SLX4IP: variants seen among roughly 807,000 people sequenced by gnomAD.
SLX4IP encodes the protein protein SLX4IP.
SLX4IP carries 34 observed loss-of-function variants against 32.9 expected under a neutral mutation model. The ratio of observed to expected loss-of-function variants is 1.03; its 90% CI spans 0.79 to 1.38. The LOEUF (loss-of-function observed/expected upper bound fraction) is 1.38, where lower values mean the gene tolerates loss of function less well. Among genes scored for constraint, SLX4IP ranks in the 40% most tolerant of loss-of-function variants. The pLI is 0.00. For missense variants in SLX4IP, 444 were observed against 479.0 expected, an observed-to-expected ratio of 0.93 and a Z score of 0.68; for synonymous variants, 172 against 171.7, an observed-to-expected ratio of 1.00 and a Z score of -0.01.
At chr20:10,545,888 G>C (rs2066157887) in intron 2 of SLX4IP, among the ~76,000 whole-genome samples, 1 of 152,286 alleles carries the variant, frequency 6.6e-6, no homozygotes, top group East Asian at 1.9e-4. Context: ...ATTTACAGGG[G>C]TTTTCTTTGA....
chr20:10,609,986 C>T (rs2066948018), intron 6 of SLX4IP, among the ~76,000 whole-genome samples: 1 of 152,028 alleles, frequency 6.6e-6, no homozygotes, highest in East Asian at 1.9e-4. Flanking sequence ...TAAATAGCTT[C>T]TATCCAATTC....
intron 2 of SLX4IP, among the ~76,000 whole-genome samples, chr20:10,519,439 A>G (rs188073114): frequency 3.3e-5 from 5 of 152,312 alleles, no homozygotes; most frequent in Non-Finnish European, 7.3e-5. Flanking sequence ...ATTGCTTGTT[A>G]TGGACATATC....
intron 2 of SLX4IP, among the ~76,000 whole-genome samples, chr20:10,463,151 T>TA (rs2065352249): frequency 6.6e-6 from 1 of 152,128 alleles, no homozygotes; most frequent in African/African-American, 2.4e-5. Context: ...GATATAGGGG[T>TA]AACTGATTTT....
At chr20:10,617,327 G>A (rs1481400174) in intron 6 of SLX4IP, among the ~76,000 whole-genome samples, 1 of 152,160 alleles carries the variant, frequency 6.6e-6, no homozygotes, top group Non-Finnish European at 1.5e-5. Flanking sequence ...TCCAGGGATG[G>A]GTCTTGGGAA....
intron 6 of SLX4IP, among the ~76,000 whole-genome samples, chr20:10,603,722 C>A (rs907122496): frequency 2.0e-5 from 3 of 152,190 alleles, no homozygotes; most frequent in African/African-American, 7.2e-5. Flanking sequence ...GGCTCAAGCT[C>A]TGTGCGTCCC....
chr20:10,488,346 C>A (rs1472122184), intron 2 of SLX4IP, among the ~76,000 whole-genome samples: 2 of 152,038 alleles, frequency 1.3e-5, no homozygotes, highest in East Asian at 3.9e-4. Flanking sequence ...CATCAACAAG[C>A]CAAGGAACAC....
At chr20:10,441,386 G>A (rs527504975) in intron 1 of SLX4IP, among the ~76,000 whole-genome samples, 12 of 152,250 alleles carry the variant, frequency 7.9e-5, no homozygotes, top group South Asian at 4.1e-4. Flanking sequence ...TCAGTGAGCC[G>A]TGATCACGCC....
In SLX4IP at chr20:10,437,039, A is replaced by G. The variant is rs139686499; in HGVS notation, c.-30+1586A>G. Among the ~76,000 whole-genome samples, 28 of 152,200 alleles carry G rather than the reference A, an allele frequency of 1.8e-4. No individual in the cohort carries two copies. In the East Asian group the frequency reaches 5.4e-3, roughly 29 times the overall value. On this transcript the variant is annotated intron_variant, in intron 1 of 7. Coordinates refer to ENST00000334534, the MANE Select transcript of SLX4IP (RefSeq NM_001009608.3). ...AAGTTTGCATGTGGACAGCAGTTCA[A>G]TACTGACTTGGAAAACCTTGGGCCT...
intron 6 of SLX4IP, among the ~76,000 whole-genome samples, chr20:10,604,482 T>C (rs1214244770): frequency 1.3e-5 from 2 of 152,208 alleles, no homozygotes; most frequent in Non-Finnish European, 2.9e-5. Context: ...TGTCAAGGGA[T>C]TCTTTCAACC....
At chr20:10,540,159 C>G (rs1316567349) in intron 2 of SLX4IP, among the ~76,000 whole-genome samples, 1 of 146,438 alleles carries the variant, frequency 6.8e-6, no homozygotes, top group Non-Finnish European at 1.5e-5. Flanking sequence ...TTCCTTCCTT[C>G]TCTCCTTCCT....
At chr20:10,485,179 G>T (rs1392880747) in intron 2 of SLX4IP, among the ~76,000 whole-genome samples, 1 of 151,934 alleles carries the variant, frequency 6.6e-6, no homozygotes, top group Non-Finnish European at 1.5e-5. Context: ...AGCTTGTTGG[G>T]GTTATTGATT....
chr20:10,473,148 C>T (rs1183630944), intron 2 of SLX4IP, among the ~76,000 whole-genome samples: 10 of 152,158 alleles, frequency 6.6e-5, no homozygotes, highest in Admixed American at 1.3e-4. Flanking sequence ...GGGGCATGGC[C>T]AGCATTCGGT....
chr20:10,497,410 A>G (rs2065677317), intron 2 of SLX4IP, among the ~76,000 whole-genome samples: 1 of 152,150 alleles, frequency 6.6e-6, no homozygotes, highest in African/African-American at 2.4e-5. Context: ...TATAGTGTCT[A>G]GATGTGGATT....
chr20:10,615,701 G>A (rs2067018207), intron 6 of SLX4IP, among the ~76,000 whole-genome samples: 1 of 152,120 alleles, frequency 6.6e-6, no homozygotes, highest in Non-Finnish European at 1.5e-5. Flanking sequence ...AACTTATAAA[G>A]AACAGAAATT....
intron 6 of SLX4IP, among the ~76,000 whole-genome samples, chr20:10,602,758 A>C (rs1439632787): frequency 6.6e-6 from 1 of 152,212 alleles, no homozygotes; most frequent in African/African-American, 2.4e-5. Flanking sequence ...TGAAATCTGA[A>C]ATTTGGCCCA....
At chr20:10,484,446 A>G (rs2065554380) in intron 2 of SLX4IP, among the ~76,000 whole-genome samples, 1 of 152,118 alleles carries the variant, frequency 6.6e-6, no homozygotes, top group Non-Finnish European at 1.5e-5. Context: ...TTTGGTATCT[A>G]TTAGTAGTAT....
rs998498331 is a variant in SLX4IP, at chr20:10,560,613, G to A, written c.118-87G>A. Reference sequence around the variant, plus strand: ...GCTAAATTAAAAAGCAAAATGAAATGAAATGTTCATTGTTAACTTTTTAAT... The same window carrying A: ...GCTAAATTAAAAAGCAAAATGAAATAAAATGTTCATTGTTAACTTTTTAAT... On this transcript the variant is annotated intron_variant, in intron 3 of 7. Transcript: ENST00000334534. 3.9e-6 allele frequency: 4 copies of A among 1,024,562 alleles called. No individual in the cohort carries two copies. The Admixed American group carries it at 1.1e-4, about 28-fold the overall frequency. 63.5% of individuals were successfully genotyped at this position (1,024,562 alleles called of 1,614,324 possible).
At chr20:10,436,548 G>T (rs754049797) in intron 1 of SLX4IP, among the ~76,000 whole-genome samples, 7 of 152,144 alleles carry the variant, frequency 4.6e-5, no homozygotes, top group Admixed American at 3.9e-4. Context: ...GTAGAGACAG[G>T]GTTCGCCATG....
chr20:10,437,966 G>A (rs1015442248), intron 1 of SLX4IP, among the ~76,000 whole-genome samples: 1 of 152,154 alleles, frequency 6.6e-6, no homozygotes, highest in Admixed American at 6.5e-5. Context: ...GTAAGATAGG[G>A]TTGATGTGAA....
Sources: allele counts gnomAD v4.1 joint callset (sites outside exome capture counted in the v4.1 genomes callset), GRCh38; gene constraint gnomAD v4.1.1; transcripts MANE v1.5; gene names NCBI Gene and HGNC (gene_info 2026-07-23, HGNC 2026-07-21).